The following PAICS variants were observed in gnomAD, a reference collection of about 807,000 sequenced individuals.
PAICS encodes the protein bifunctional phosphoribosylaminoimidazole carboxylase/phosphoribosylaminoimidazole succinocarboxamide synthetase.
In PAICS, 33 loss-of-function variants were observed where a neutral mutation model predicts 53.7. The observed-to-expected ratio is 0.61, with a 90% CI of 0.47 to 0.82. The LOEUF is 0.82. PAICS is among the 40% of genes least tolerant of loss of function. The pLI, the probability that PAICS is intolerant of heterozygous loss-of-function variation, is 0.00. For missense variants in PAICS, 394 were observed against 494.1 expected (o/e 0.80, Z 1.92); for synonymous variants, 141 against 167.2 (o/e 0.84, Z 1.21).
At chr4:56,454,673 G>T in intron 8 of PAICS, among the ~76,000 whole-genome samples, 1 of 150,328 alleles carries the variant, frequency 6.7e-6, no homozygotes, top group East Asian at 2.0e-4. Context: ...TTTTGGATTT[G>T]GCTTCTTACA....
At chr4:56,456,232 T>C (rs1037243614) in intron 8 of PAICS, among the ~76,000 whole-genome samples, 1 of 152,098 alleles carries the variant, frequency 6.6e-6, no homozygotes, top group South Asian at 2.1e-4. Flanking sequence ...CCTGGGATTA[T>C]AGGTATGCAC....
chr4:56,427,227 C>A, the PAICS span, among the ~76,000 whole-genome samples: 1 of 152,148 alleles, frequency 6.6e-6, no homozygotes, highest in East Asian at 1.9e-4. Flanking sequence ...GCTTTCAATT[C>A]TTTTGGGTAT....
upstream of PAICS, among the ~76,000 whole-genome samples, chr4:56,433,894 G>C (rs1255223616): frequency 1.3e-5 from 2 of 152,106 alleles, no homozygotes; most frequent in Non-Finnish European, 2.9e-5. Context: ...GTTTCACCAT[G>C]TTGGCCAGGA....
At chr4:56,410,939 CTT>C in the PAICS span, 2 of 929,126 alleles carry the variant, frequency 2.2e-6, no homozygotes, top group Non-Finnish European at 2.5e-6. Flanking sequence ...GAAAAGTACT[CTT>C]GTTTTTCTTT....
Position 56,446,882 on chromosome 4 carries a change from CT to C in PAICS, c.393+11del. On this transcript the variant is annotated intron_variant, in intron 3 of 8. Transcript: ENST00000512576. ...TGGAGTTGTTTTTCAAGGTAATTAT[CT>C]TATGCCTCTGTTTTATGTCTTACTG... 6.4e-7 allele frequency: 1 copy of C among 1,550,436 alleles called. No homozygotes were observed. The highest frequency in any genetic ancestry group is 1.1e-5 in the South Asian group (1 of 87,256).
intron 8 of PAICS, among the ~76,000 whole-genome samples, chr4:56,456,767 TTTG>T (rs940737484): frequency 1.3e-4 from 20 of 151,944 alleles, no homozygotes; most frequent in South Asian, 1.2e-3. Flanking sequence ...TTTCTGGGTT[TTTG>T]TTGTTGTTGT....
upstream of PAICS, among the ~76,000 whole-genome samples, chr4:56,432,452 G>T (rs2110070393): frequency 6.7e-6 from 1 of 149,356 alleles, no homozygotes; most frequent in Non-Finnish European, 1.5e-5. Flanking sequence ...CTTGAACTTG[G>T]GAAACGGAGG....
At chr4:56,431,723 G>T (rs185889366), upstream of PAICS, among the ~76,000 whole-genome samples, 13 of 152,216 alleles carry the variant, frequency 8.5e-5, no homozygotes, top group Admixed American at 6.5e-4. Flanking sequence ...TTCCTTTTAT[G>T]GAATCTTCAA....
chr4:56,459,023 C>G (rs1365592441), intron 8 of PAICS, among the ~76,000 whole-genome samples: 1 of 152,142 alleles, frequency 6.6e-6, no homozygotes, highest in East Asian at 1.9e-4. Context: ...CTTACCTTGA[C>G]CCTTATTTTG....
the PAICS span, among the ~76,000 whole-genome samples, chr4:56,426,509 C>T: frequency 1.3e-5 from 2 of 152,176 alleles, no homozygotes; most frequent in Non-Finnish European, 2.9e-5. Flanking sequence ...TAAGAATTTG[C>T]CTATTCTGGA....
intron 5 of PAICS, among the ~76,000 whole-genome samples, chr4:56,450,080 C>T (rs920350210): frequency 2.0e-5 from 3 of 151,988 alleles, no homozygotes; most frequent in Admixed American, 6.6e-5. Context: ...AACGGAAAAC[C>T]AAACACCACA....
upstream of PAICS, chr4:56,436,047 C>CA: frequency 1.3e-6 from 2 of 1,513,022 alleles, no homozygotes; most frequent in Non-Finnish European, 1.8e-6. Flanking sequence ...GGCACTGCGC[C>CA]AGCGCGGGGC....
intron 3 of PAICS, among the ~76,000 whole-genome samples, 171 bp from the exon 4 acceptor site, chr4:56,448,247 C>T (rs28649329): frequency 0.07 from 10,621 of 151,942 alleles, 682 homozygotes; most frequent in East Asian, 0.19. Flanking sequence ...TCTTGTGATC[C>T]GCCCACCTCA....
chr4:56,416,731 G>C, the PAICS span, among the ~76,000 whole-genome samples: 37 of 152,208 alleles, frequency 2.4e-4, no homozygotes, highest in African/African-American at 8.4e-4. Context: ...TCACTTTAGT[G>C]TTGAGGCAAG....
chr4:56,463,394 A>G lies in PAICS; in HGVS notation c.*3856A>G, dbSNP rs904952733. On this transcript the variant is annotated 3_prime_UTR_variant, in exon 9 of 9. Coordinates refer to ENST00000512576, the MANE Select transcript of PAICS (RefSeq NM_001079524.2). ...CTTGCCTCTGAGTTGACAAGATACC[A>G]TAAGATACTGTACATGAGGCTGGGT... The G allele has an allele frequency of 2.0e-5, 3 of 151,530 alleles. No individual in the cohort carries two copies. The highest frequency in any genetic ancestry group is 6.6e-5 in the Admixed American group (1 of 15,184). The allele number at this position is 151,530 out of a possible 1,614,324, so 9.4% of individuals were successfully genotyped here.
chr4:56,432,434 G>T (rs557760845), upstream of PAICS, among the ~76,000 whole-genome samples: 2 of 147,882 alleles, frequency 1.4e-5, no homozygotes, highest in East Asian at 4.1e-4. Flanking sequence ...AGACAGGTAC[G>T]AGAATCACTT....
intron 1 of PAICS, among the ~76,000 whole-genome samples, chr4:56,438,399 ATAT>A (rs1560656431): frequency 1.6e-4 from 18 of 109,366 alleles, no homozygotes; most frequent in African/African-American, 5.8e-4. Flanking sequence ...ATATATATAT[ATAT>A]AAAAGGTTTT....
At position 56,443,353 on chromosome 4, in the gene PAICS, A is replaced by G. The variant is rs527956301; in HGVS notation, c.214+1493A>G. Reference sequence around the variant, plus strand: ...TAGGTGCACGCCACCATACCCGGCTAATTTTTGTATTTTTAGTAGAGACGA... The same window carrying G: ...TAGGTGCACGCCACCATACCCGGCTGATTTTTGTATTTTTAGTAGAGACGA... On this transcript the variant is annotated intron_variant, in intron 2 of 8. Coordinates refer to ENST00000512576, the MANE Select transcript of PAICS (RefSeq NM_001079524.2). Among the ~76,000 whole-genome samples the G allele has an allele frequency of 3.3e-5, 5 of 152,056 alleles. No homozygotes were observed. In the East Asian group the frequency reaches 9.7e-4, roughly 29 times the overall value.
chr4:56,454,913 T>C (rs1010874979), intron 8 of PAICS, among the ~76,000 whole-genome samples: 3 of 152,162 alleles, frequency 2.0e-5, no homozygotes, highest in Non-Finnish European at 4.4e-5. Context: ...ATCCCAGCAC[T>C]TTGGGAGGCT....
Sources: allele counts gnomAD v4.1 joint callset (sites outside exome capture counted in the v4.1 genomes callset), GRCh38; gene constraint gnomAD v4.1.1; transcripts MANE v1.5; gene names NCBI Gene and HGNC (gene_info 2026-07-23, HGNC 2026-07-21).